The following ATG10 variants were observed in gnomAD, a reference collection of about 807,000 sequenced individuals.
ATG10 encodes ubiquitin-like-conjugating enzyme ATG10.
In ATG10, 30 loss-of-function variants were observed where a neutral mutation model predicts 32.1. The ratio of observed to expected loss-of-function variants is 0.94; its 90% confidence interval spans 0.70 to 1.27. The LOEUF is 1.27. Among genes scored for constraint, ATG10 ranks in the 50% most tolerant of loss-of-function variants. The probability of loss-of-function intolerance (pLI) is 0.00; values close to 1 mark genes in which losing one functional copy is unlikely to be tolerated. For missense variants in ATG10, 233 were observed against 262.3 expected (o/e 0.89, Z 0.77); for synonymous variants, 87 against 91.5 (o/e 0.95, Z 0.28).
At chr5:82,078,039 A>G (rs774911046) in intron 3 of ATG10, among the ~76,000 whole-genome samples, 5 of 152,140 alleles carry the variant, frequency 3.3e-5, no homozygotes, top group Admixed American at 1.3e-4. Flanking sequence ...CTTAAGTGTA[A>G]TATGGTCATT....
intron 3 of ATG10, among the ~76,000 whole-genome samples, chr5:82,121,252 A>T (rs1766028209): frequency 6.6e-6 from 1 of 152,192 alleles, no homozygotes; most frequent in East Asian, 1.9e-4. Flanking sequence ...GTGACAGAGG[A>T]CATAAATGCC....
At chr5:82,020,203 G>T (rs539696440) in intron 2 of ATG10, among the ~76,000 whole-genome samples, 52 of 152,356 alleles carry the variant, frequency 3.4e-4, no homozygotes, top group African/African-American at 1.1e-3. Flanking sequence ...CCTAGAAGTA[G>T]TGAGGGGCAG....
intron 2 of ATG10, among the ~76,000 whole-genome samples, chr5:82,008,973 G>C (rs1211566811): frequency 6.6e-6 from 1 of 152,104 alleles, no homozygotes; most frequent in Non-Finnish European, 1.5e-5. Flanking sequence ...GCTCATTTTT[G>C]TTTTGTAGGT....
intron 3 of ATG10, among the ~76,000 whole-genome samples, chr5:82,133,203 G>T (rs1044744445): frequency 1.4e-4 from 21 of 152,260 alleles, no homozygotes; most frequent in African/African-American, 4.6e-4. Context: ...TCATTCTGAT[G>T]ATAGTTTCTT....
At chr5:82,137,385 A>G (rs1052193622) in intron 3 of ATG10, among the ~76,000 whole-genome samples, 3 of 151,976 alleles carry the variant, frequency 2.0e-5, no homozygotes, top group Admixed American at 1.3e-4. Context: ...GTGACCTTCA[A>G]ATGTCGTTTT....
In ATG10 at chr5:82,121,800, C is replaced by T. The variant is rs545988999; in HGVS notation, c.217-42599C>T. 1.2e-4 allele frequency among the ~76,000 whole-genome samples: 18 copies of T among 152,126 alleles called. No individual in the cohort carries two copies. In the East Asian group the frequency reaches 2.7e-3, roughly 23 times the overall value. On this transcript the variant is annotated intron_variant, in intron 3 of 7. Transcript: ENST00000282185. The stretch of plus-strand genomic sequence containing the variant: ...CTTATGTTGAACCAACCTTGCATCC[C>T]GGGGATAAAGCCTACTTGATTGTGG...
At chr5:82,016,866 T>C (rs1227537564) in intron 2 of ATG10, among the ~76,000 whole-genome samples, 3 of 151,912 alleles carry the variant, frequency 2.0e-5, no homozygotes, top group Admixed American at 2.0e-4. Context: ...TTTTTTGTAT[T>C]TTTTTAGTAG....
intron 5 of ATG10, among the ~76,000 whole-genome samples, chr5:82,198,951 A>G (rs1744963974): frequency 6.6e-6 from 1 of 152,214 alleles, no homozygotes; most frequent in South Asian, 2.1e-4. Context: ...CTGATACATT[A>G]TATAGCTAAT....
intron 3 of ATG10, among the ~76,000 whole-genome samples, chr5:82,082,228 A>G (rs907790043): frequency 6.6e-6 from 1 of 152,178 alleles, no homozygotes; most frequent in Non-Finnish European, 1.5e-5. Flanking sequence ...CCCTCTAAAC[A>G]TCTGTCATAT....
chr5:82,234,222 T>C (rs1209006575), intron 5 of ATG10, among the ~76,000 whole-genome samples: 1 of 152,116 alleles, frequency 6.6e-6, no homozygotes, highest in Non-Finnish European at 1.5e-5. Flanking sequence ...TTTAGGCAGA[T>C]GGGGGAGGGT....
At chr5:82,169,769 A>T (rs1199202278) in intron 4 of ATG10, among the ~76,000 whole-genome samples, 1 of 152,242 alleles carries the variant, frequency 6.6e-6, no homozygotes, top group East Asian at 1.9e-4. Context: ...AATGAATTTG[A>T]AGAGCAAACA....
chr5:82,052,843 C>T (rs1325836371), intron 2 of ATG10, among the ~76,000 whole-genome samples: 1 of 152,086 alleles, frequency 6.6e-6, no homozygotes, highest in Non-Finnish European at 1.5e-5. Context: ...ACATACTATC[C>T]CATTATTTGG....
At chr5:82,220,746 C>T (rs750906604) in intron 5 of ATG10, among the ~76,000 whole-genome samples, 4 of 149,598 alleles carry the variant, frequency 2.7e-5, no homozygotes, top group Admixed American at 1.3e-4. Context: ...ACTACTCCAT[C>T]TCTCTCTTTC....
At chr5:82,150,091 C>T (rs1344816117) in intron 3 of ATG10, among the ~76,000 whole-genome samples, 6 of 152,066 alleles carry the variant, frequency 3.9e-5, no homozygotes, top group Admixed American at 2.0e-4. Context: ...ACACCTATTG[C>T]TGTGGGTATA....
intron 3 of ATG10, among the ~76,000 whole-genome samples, chr5:82,081,138 T>G (rs1212532484): frequency 3.3e-5 from 5 of 152,156 alleles, no homozygotes; most frequent in Non-Finnish European, 7.4e-5. Flanking sequence ...TGAATGGGAG[T>G]TCACTCATGA....
intron 6 of ATG10, 128 bp downstream of exon 6, chr5:82,252,787 T>C: frequency 1.6e-6 from 1 of 623,086 alleles, no homozygotes; most frequent in Non-Finnish European, 2.8e-6. Flanking sequence ...CAATGATTTT[T>C]AGGATATGCT....
At chr5:82,007,256 G>A (rs1335413027) in intron 2 of ATG10, among the ~76,000 whole-genome samples, 1 of 152,188 alleles carries the variant, frequency 6.6e-6, no homozygotes, top group Non-Finnish European at 1.5e-5. Flanking sequence ...ATTAGATGAT[G>A]ACTTCTTGAA....
At chr5:82,209,411 G>T (rs936575136) in intron 5 of ATG10, among the ~76,000 whole-genome samples, 1 of 152,096 alleles carries the variant, frequency 6.6e-6, no homozygotes, top group Non-Finnish European at 1.5e-5. Flanking sequence ...TTCAAGGTGG[G>T]ATTAGTGTGC....
rs1422235240 is a variant in ATG10, at chr5:82,025,883, T to C, written c.109-32612T>C. On this transcript the variant is annotated intron_variant, in intron 2 of 7. Transcript: ENST00000282185. ...TTACACATTTCTGATAAACTTGTCA[T>C]CATCAGTAATTTTATTTTTTAAGAT... Among the ~76,000 whole-genome samples the C allele has an allele frequency of 4.6e-5, 7 of 152,226 alleles. No homozygotes were observed. In the South Asian group the frequency reaches 1.2e-3, roughly 27 times the overall value.
Sources: allele counts gnomAD v4.1 joint callset (sites outside exome capture counted in the v4.1 genomes callset), GRCh38; gene constraint gnomAD v4.1.1; transcripts MANE v1.5; gene names NCBI Gene and HGNC (gene_info 2026-07-23, HGNC 2026-07-21).